Variants in ARPC3 observed in about 807,000 individuals in gnomAD.
The protein encoded by ARPC3 is actin related protein 2/3 complex subunit 3, also known as actin-related protein 2/3 complex subunit 3.
In ARPC3, 12 loss-of-function variants were observed where a neutral mutation model predicts 27.6. The ratio of observed to expected loss-of-function variants is 0.43; its 90% CI spans 0.28 to 0.70. ARPC3 has a LOEUF of 0.70. Ranked by LOEUF, ARPC3 falls within the 30% of genes least tolerant of loss-of-function variation. The pLI, the probability that ARPC3 is intolerant of heterozygous loss-of-function variation, is 0.17. For missense variants in ARPC3, 153 were observed against 207.7 expected, an observed-to-expected ratio of 0.74 and a Z score of 1.62; for synonymous variants, 53 against 67.2, an observed-to-expected ratio of 0.79 and a Z score of 1.03.
intron 3 of ARPC3, among the ~76,000 whole-genome samples, chr12:110,438,396 G>A (rs2062417264): frequency 6.7e-6 from 1 of 150,208 alleles, no homozygotes; most frequent in Non-Finnish European, 1.5e-5. Context: ...TCAGGAGATC[G>A]AGACCATCCT....
chr12:110,436,382 C>A, intron 5 of ARPC3, 175 bp downstream of exon 5: 3 of 1,226,420 alleles, frequency 2.4e-6, no homozygotes, highest in Admixed American at 2.2e-5. Context: ...AGATTTTCTG[C>A]ATGTCATCCT....
chr12:110,435,360 C>A, intron 6 of ARPC3, 143 bp from the exon 7 acceptor site: 1 of 713,076 alleles, frequency 1.4e-6, no homozygotes, highest in Non-Finnish European at 2.4e-6. Flanking sequence ...CTCGCTCTGT[C>A]GCCCAGGCTG....
intron 5 of ARPC3, 60 bp from the exon 6 acceptor site, chr12:110,436,264 G>T: frequency 7.3e-7 from 1 of 1,369,786 alleles, no homozygotes. Flanking sequence ...TGTACTGGTT[G>T]CAGCTCTGGA....
At chr12:110,446,076 C>G (rs557498767) in intron 1 of ARPC3, among the ~76,000 whole-genome samples, 12 of 149,906 alleles carry the variant, frequency 8.0e-5, no homozygotes, top group Admixed American at 8.0e-4. Flanking sequence ...GCACTCCAGC[C>G]TGGGCAACAG....
chr12:110,440,210 T>A (rs764758194), intron 3 of ARPC3, 102 bp downstream of exon 3: 49 of 803,566 alleles, frequency 6.1e-5, no homozygotes, highest in Non-Finnish European at 9.1e-5. Flanking sequence ...AAAAATTACA[T>A]GCTGATTTCA....
chr12:110,436,298 T>C, intron 5 of ARPC3, 94 bp from the exon 6 acceptor site: 2 of 1,152,918 alleles, frequency 1.7e-6, no homozygotes, highest in South Asian at 1.3e-5. Context: ...AATACATTTT[T>C]ATACATTTGA....
chr12:110,435,288 T>A (rs1328529612), intron 6 of ARPC3, 71 bp from the exon 7 acceptor site: 2 of 1,200,438 alleles, frequency 1.7e-6, no homozygotes, highest in Non-Finnish European at 2.4e-6. Context: ...TATTTAATAA[T>A]AAAATTTCAC....
intron 1 of ARPC3, among the ~76,000 whole-genome samples, chr12:110,448,779 G>A (rs1280971078): frequency 1.1e-4 from 3 of 28,268 alleles, no homozygotes; most frequent in East Asian, 6.2e-4. Context: ...CTTTTTTTCC[G>A]GGGGGGGGGG....
intron 2 of ARPC3, among the ~76,000 whole-genome samples, chr12:110,444,448 C>T (rs946556388): frequency 6.6e-6 from 1 of 151,896 alleles, no homozygotes; most frequent in Admixed American, 6.6e-5. Flanking sequence ...CCATGCCTAG[C>T]TAATTTTTGT....
intron 4 of ARPC3, 28 bp from the exon 5 acceptor site, chr12:110,436,711 TACACACACACACACACACAC>T (rs375877607): frequency 4.5e-5 from 17 of 380,312 alleles, no homozygotes; most frequent in South Asian, 7.8e-5. Context: ...TATATATATA[TACACACACACACACACACAC>T]ACACACACAC....
Position 110,436,697 on chromosome 12 carries a change from T to TATATATATATATAC in ARPC3, c.253-15_253-14insGTATATATATATAT. ...TTTGGAATTGCACTGGAAAAAAAAA[T>TATATATATATATAC]ATATATATATATATACACACACACA... On this transcript the variant is annotated splice_polypyrimidine_tract_variant and intron_variant, in intron 4 of 6. Coordinates refer to ENST00000228825, the MANE Select transcript of ARPC3 (RefSeq NM_001278556.2). The TATATATATATATAC allele has an allele frequency of 5.0e-6, 3 of 602,732 alleles. No individual in the cohort carries two copies. Among genetic ancestry groups the TATATATATATATAC allele is most frequent in the South Asian group, 1.8e-5 (1 of 54,192 alleles). The allele number at this position is 602,732 out of a possible 1,614,324, so 37.3% of individuals were successfully genotyped here. A position where few individuals can be genotyped will look rare whatever the true frequency, so the allele number is the denominator to read the frequency against.
intron 1 of ARPC3, among the ~76,000 whole-genome samples, chr12:110,448,729 G>A (rs1187353067): frequency 2.4e-5 from 3 of 123,890 alleles, no homozygotes; most frequent in Non-Finnish European, 4.8e-5. Flanking sequence ...AGCAGCCTCC[G>A]CCTTCCCTCT....
chr12:110,440,305 A>T lies in ARPC3; in HGVS notation c.183+7T>A. 6.3e-7 allele frequency: 1 copy of T among 1,581,134 alleles called. No individual in the cohort carries two copies. Among genetic ancestry groups the T allele is most frequent in the Non-Finnish European group, 8.7e-7 (1 of 1,150,662 alleles). On this transcript the variant is annotated splice_region_variant and intron_variant, in intron 3 of 6. Coordinates refer to ENST00000228825, the MANE Select transcript of ARPC3 (RefSeq NM_001278556.2). The stretch of plus-strand genomic sequence containing the variant: ...CTAAGTTAAATATTAAAAGCTCCGT[A>T]ATTTACCTTAATTTCATAGTTTTTG...
chr12:110,435,352 C>T (rs1439378742), intron 6 of ARPC3, 135 bp from the exon 7 acceptor site: 15 of 733,124 alleles, frequency 2.0e-5, no homozygotes, highest in African/African-American at 1.1e-4. Flanking sequence ...GACGGAGTCT[C>T]GCTCTGTCGC....
intron 6 of ARPC3, among the ~76,000 whole-genome samples, chr12:110,435,572 C>G (rs1487330784): frequency 6.6e-6 from 1 of 151,918 alleles, no homozygotes; most frequent in Non-Finnish European, 1.5e-5. Flanking sequence ...CCTCATGATC[C>G]GCCTGCTTTG....
In ARPC3 at chr12:110,436,582, G is replaced by A; in HGVS notation, c.354C>T (p.Ala118=). 3.7e-6 allele frequency: 6 copies of A among 1,613,534 alleles called. No individual in the cohort carries two copies. Among genetic ancestry groups the A allele is most frequent in the Non-Finnish European group, 5.1e-6 (6 of 1,179,778 alleles). Residue 118 remains alanine (A), a synonymous_variant, in exon 5 of 7, where the codon GCC becomes GCT. Coordinates refer to ENST00000228825, the MANE Select transcript of ARPC3 (RefSeq NM_001278556.2). ...EPGFPLNAIY[A]KPANKQEDEV... is the part of the protein sequence containing the mutation. ...CATCTTCCTGTTTGTTTGCAGGTTT[G>A]GCATAAATTGCGTTAAGTGGAAAAC...
At chr12:110,439,141 A>C (rs574667715) in intron 3 of ARPC3, among the ~76,000 whole-genome samples, 1 of 151,206 alleles carries the variant, frequency 6.6e-6, no homozygotes, top group South Asian at 2.1e-4. Context: ...ATGCACTACT[A>C]CACCTGGCTA....
intron 6 of ARPC3, 89 bp from the exon 7 acceptor site, chr12:110,435,306 T>C: frequency 9.9e-7 from 1 of 1,007,278 alleles, no homozygotes; most frequent in South Asian, 1.4e-5. Context: ...CACATTAGTC[T>C]GGAATCTCTT....
chr12:110,439,092 T>C (rs2062421394), intron 3 of ARPC3, among the ~76,000 whole-genome samples: 1 of 151,910 alleles, frequency 6.6e-6, no homozygotes, highest in Non-Finnish European at 1.5e-5. Flanking sequence ...TTCAAGCAAT[T>C]CTTGTGCTTC....
Sources: allele counts gnomAD v4.1 joint callset (sites outside exome capture counted in the v4.1 genomes callset), GRCh38; gene constraint gnomAD v4.1.1; transcripts MANE v1.5; gene names NCBI Gene and HGNC (gene_info 2026-07-23, HGNC 2026-07-21).